The following CEP72 variants were observed in gnomAD, a reference collection of about 807,000 sequenced individuals.
The protein encoded by CEP72 is centrosomal protein of 72 kDa.
A neutral mutation model predicts 65.7 loss-of-function variants in CEP72; 78 were observed. The ratio of observed to expected loss-of-function variants is 1.19; its 90% CI spans 0.99 to 1.43. The LOEUF (loss-of-function observed/expected upper bound fraction) is 1.43, where lower values mean the gene tolerates loss of function less well. CEP72 is among the 40% of genes most tolerant of loss of function. CEP72 has a pLI of 0.00. For synonymous variants in CEP72, 358 were observed against 351.7 expected, an observed-to-expected ratio of 1.02 and a Z score of -0.20; for missense variants, 914 against 832.9, an observed-to-expected ratio of 1.10 and a Z score of -1.20.
intron 8 of CEP72, 32 bp downstream of exon 8, chr5:639,256 T>G: frequency 6.5e-7 from 1 of 1,531,006 alleles, no homozygotes; most frequent in Non-Finnish European, 8.8e-7. Context: ...TCTTGCCCTG[T>G]AGGCAGCGTC....
At chr5:643,813 C>T (rs567897505) in intron 9 of CEP72, 47 of 227,628 alleles carry the variant, frequency 2.1e-4, no homozygotes, top group Middle Eastern at 2.2e-3. Flanking sequence ...GATGACAGCT[C>T]GTCCTGTGCT....
At chr5:672,731 G>A in the CEP72 span, among the ~76,000 whole-genome samples, 9 of 152,354 alleles carry the variant, frequency 5.9e-5, no homozygotes, top group East Asian at 1.2e-3. Flanking sequence ...CACTCCCACC[G>A]CCCGTGGTCC....
intron 4 of CEP72, among the ~76,000 whole-genome samples, chr5:666,466 T>C (rs1739919698): frequency 6.6e-6 from 1 of 152,202 alleles, no homozygotes; most frequent in Non-Finnish European, 1.5e-5. Context: ...CGCCGGGAGC[T>C]GGGGGTCCTA....
Position 620,270 on chromosome 5 carries a change from C to T in CEP72, c.403+9C>T, listed in dbSNP as rs1736299673. ...CAAGCTCCAGCAGCTGGGTAGGCATCAGGCAGGGCCACGCTCATGCTTTTG... is the reference window on the plus strand; with the variant it reads ...CAAGCTCCAGCAGCTGGGTAGGCATTAGGCAGGGCCACGCTCATGCTTTTG... On this transcript the variant is annotated intron_variant, in intron 3 of 11. Coordinates refer to ENST00000264935, the MANE Select transcript of CEP72 (RefSeq NM_018140.4). The T allele has an allele frequency of 1.2e-6, 2 of 1,610,832 alleles. No individual in the cohort carries two copies. Among genetic ancestry groups the T allele is most frequent in the South Asian group, 2.2e-5 (2 of 91,022 alleles).
intron 4 of CEP72, among the ~76,000 whole-genome samples, chr5:626,163 A>G (rs1697990): frequency 0.35 from 52,700 of 152,140 alleles, 10,480 homozygotes; most frequent in South Asian, 0.44. Flanking sequence ...TTTTACATAG[A>G]AAATCATGTC....
intron 9 of CEP72, chr5:643,249 A>G (rs1738176534): frequency 1.0e-6 from 1 of 985,282 alleles, no homozygotes; most frequent in Non-Finnish European, 1.2e-6. Flanking sequence ...GCCCTGCCTT[A>G]AGAGCTCACC....
At position 638,974 on chromosome 5, in the gene CEP72, G is replaced by T. The variant is rs1709552; in HGVS notation, c.1207-115G>T. 8.6e-4 allele frequency: 1,169 copies of T among 1,365,438 alleles called. 6 individuals are homozygous for T. In the Middle Eastern group the frequency reaches 0.017, roughly 20 times the overall value. 84.6% of individuals were successfully genotyped at this position (1,365,438 alleles called of 1,614,324 possible). On this transcript the variant is annotated intron_variant, in intron 7 of 11. Transcript: ENST00000264935. ...CCTGGCTCAGGGCTGGGGCCTCAGG[G>T]CACCTGTCCTCCCCTTCGTGGTGCG... is the stretch of plus-strand genomic sequence containing the variant.
In CEP72 at chr5:666,055, C is replaced by A. The variant is rs751932777; in HGVS notation, n.548C>A. Reference sequence around the variant, plus strand: ...CTCCTCGCTGCTCTTGTCTTTGAATCGCTTCTTGGCGAGCTCCTCCAGCGC... The same window carrying A: ...CTCCTCGCTGCTCTTGTCTTTGAATAGCTTCTTGGCGAGCTCCTCCAGCGC... On this transcript the variant is annotated non_coding_transcript_exon_variant, in exon 4 of 5. Coordinates refer to the CEP72 transcript ENST00000514507. 1.2e-6 allele frequency: 2 copies of A among 1,612,152 alleles called. No homozygotes were observed. The highest frequency in any genetic ancestry group is 1.7e-6 in the Non-Finnish European group (2 of 1,179,742).
Position 618,991 on chromosome 5 carries a change from T to C in CEP72, c.84T>C (p.Ala28=). ...ATCTTACAATTTTTCTATTCTTAGC[T>C]GAGCTTCAGTCATTGTCTATTCCTG... ...KSGLGPHRDL[A]ELQSLSIPGT... Residue 28 remains alanine, a splice_region_variant and synonymous_variant, in exon 2 of 12, where the codon GCT becomes GCC. Transcript: ENST00000264935. The C allele has an allele frequency of 1.2e-6, 2 of 1,604,824 alleles. No individual in the cohort carries two copies. The highest frequency in any genetic ancestry group is 2.2e-5 in the East Asian group (1 of 44,790).
chr5:671,253 C>T (rs1483870736), downstream of CEP72, among the ~76,000 whole-genome samples: 9 of 66,198 alleles, frequency 1.4e-4, no homozygotes, highest in African/African-American at 4.1e-4. Context: ...TGGGGAGGGG[C>T]GGGGGTGGGG....
chr5:617,278 T>C (rs1220440723), intron 1 of CEP72, among the ~76,000 whole-genome samples: 1 of 152,164 alleles, frequency 6.6e-6, no homozygotes, highest in Non-Finnish European at 1.5e-5. Context: ...CCGTATATTT[T>C]CCTCCAGGGC....
In CEP72 at chr5:653,209, G is replaced by T; in HGVS notation, c.*56G>T. The T allele has an allele frequency of 1.3e-6, 2 of 1,484,004 alleles. No homozygotes were observed. Among genetic ancestry groups the T allele is most frequent in the Non-Finnish European group, 1.8e-6 (2 of 1,112,662 alleles). 91.9% of individuals were successfully genotyped at this position (1,484,004 alleles called of 1,614,324 possible). ...GCTTCCTGGTAAAGTTACATTGTCT[G>T]CACCTTTGTACTTCTTTATTGAGTG... On this transcript the variant is annotated 3_prime_UTR_variant, in exon 12 of 12. Transcript: ENST00000264935.
intron 6 of CEP72, among the ~76,000 whole-genome samples, chr5:637,081 G>C (rs1737656716): frequency 6.6e-6 from 1 of 152,150 alleles, no homozygotes; most frequent in Admixed American, 6.5e-5. Flanking sequence ...TTAGTGGTCG[G>C]TACAGTGCAC....
chr5:612,466 G>A, intron 1 of CEP72, 23 bp downstream of exon 1: 1 of 1,423,640 alleles, frequency 7.0e-7, no homozygotes, highest in Non-Finnish European at 9.2e-7. Context: ...GCGGGCGGGG[G>A]TGCAAGCGTG....
intron 9 of CEP72, chr5:640,816 G>T: frequency 1.0e-6 from 1 of 985,442 alleles, no homozygotes; most frequent in Non-Finnish European, 1.2e-6. Context: ...AGACAGCAGT[G>T]GCGCTGGCCA....
In CEP72 at chr5:612,461, C is replaced by T; in HGVS notation, c.82+18C>T. 2 of 797,938 alleles carry T rather than the reference C, an allele frequency of 2.5e-6. No individual in the cohort carries two copies. Among genetic ancestry groups the T allele is most frequent in the Non-Finnish European group, 3.7e-6 (2 of 544,400 alleles). The allele number at this position is 797,938 out of a possible 1,614,324, so 49.4% of individuals were successfully genotyped here. A position where few individuals can be genotyped will look rare whatever the true frequency, so the allele number is the denominator to read the frequency against. ...CGACCTGGGTGCGCCGGAGGGCGGG[C>T]GGGGGTGCAAGCGTGAGGTGGCGGG... is the stretch of plus-strand genomic sequence containing the variant. On this transcript the variant is annotated intron_variant, in intron 1 of 11. Transcript: ENST00000264935.
chr5:618,958 A>T, intron 1 of CEP72, 32 bp from the exon 2 acceptor site: 1 of 1,540,410 alleles, frequency 6.5e-7, no homozygotes, highest in South Asian at 1.1e-5. Flanking sequence ...TCAAAATAAA[A>T]GATTAAAATC....
intron 9 of CEP72, chr5:642,641 A>T (rs1389545581): frequency 5.1e-6 from 5 of 985,358 alleles, no homozygotes; most frequent in Non-Finnish European, 6.0e-6. Flanking sequence ...AGTTTGCCTA[A>T]CCCCTGCAGT....
chr5:640,361 A>G (rs1737926311), intron 8 of CEP72, 47 bp from the exon 9 acceptor site: 1 of 1,577,662 alleles, frequency 6.3e-7, no homozygotes. Flanking sequence ...TTTACATTTC[A>G]TCCTTTAAGC....
Sources: gnomAD v4.1 joint callset for allele counts (sites outside exome capture counted in the v4.1 genomes callset) on GRCh38, gnomAD v4.1.1 for gene constraint, MANE v1.5 for transcripts, NCBI Gene and HGNC (gene_info 2026-07-23, HGNC 2026-07-21) for gene names.